The following GALR1 variants were observed in gnomAD, a reference collection of about 807,000 sequenced individuals.
The protein encoded by GALR1 is galanin receptor type 1.
A neutral mutation model predicts 17.9 loss-of-function variants in GALR1; 11 were observed. The ratio of observed to expected loss-of-function variants is 0.62; its 90% CI spans 0.39 to 1.02. The LOEUF (loss-of-function observed/expected upper bound fraction) is 1.02, where lower values mean the gene tolerates loss of function less well. Ranked by LOEUF, GALR1 falls within the 50% of genes least tolerant of loss-of-function variation. The probability of loss-of-function intolerance (pLI) is 0.01; values close to 1 mark genes in which losing one functional copy is unlikely to be tolerated. For synonymous variants in GALR1, 206 were observed against 205.7 expected (o/e 1.00, Z -0.01); for missense variants, 441 against 456.9 (o/e 0.97, Z 0.32).
intron 2 of GALR1, among the ~76,000 whole-genome samples, chr18:77,258,274 A>G (rs950959530): frequency 1.3e-5 from 2 of 152,234 alleles, no homozygotes; most frequent in African/African-American, 4.8e-5. Flanking sequence ...TCTATATAAA[A>G]TTATCTTTTG....
chr18:77,255,088 A>C (rs955208773), intron 1 of GALR1, among the ~76,000 whole-genome samples: 1 of 152,212 alleles, frequency 6.6e-6, no homozygotes, highest in Admixed American at 6.5e-5. Flanking sequence ...TCCATGCTAC[A>C]GGGAACAAAG....
At chr18:77,256,366 A>C (rs761114143) in intron 2 of GALR1, 143 bp downstream of exon 2, 4 of 565,312 alleles carry the variant, frequency 7.1e-6, no homozygotes, top group Non-Finnish European at 1.2e-5. Context: ...TGAGCCTCCC[A>C]CCGTTAGGAT....
In GALR1 at chr18:77,277,886, A is replaced by G. The variant is rs1913186213; in HGVS notation, c.*8984A>G. The G allele has an allele frequency of 6.6e-6, 1 of 152,188 alleles. No individual in the cohort carries two copies. Among genetic ancestry groups the G allele is most frequent in the South Asian group, 2.1e-4 (1 of 4,830 alleles). The allele number at this position is 152,188 out of a possible 1,614,324, so 9.4% of individuals were successfully genotyped here. A position where few individuals can be genotyped will look rare whatever the true frequency, so the allele number is the denominator to read the frequency against. On this transcript the variant is annotated 3_prime_UTR_variant, in exon 3 of 3. Transcript: ENST00000299727. ...CCAGTTTTCTTGCATTGAAAATAAA[A>G]TTTGTTCCTCAAAATGCTCTAGTTT... is the stretch of plus-strand genomic sequence containing the variant.
In GALR1 at chr18:77,276,897, C is replaced by G. The variant is rs1328492962; in HGVS notation, c.*7995C>G. On this transcript the variant is annotated 3_prime_UTR_variant, in exon 3 of 3. Transcript: ENST00000299727. ...GGAGTTTAATAACTTGTAAGACTTTCAGAGATTGTTATAATTTTTGCCTCA... is the reference window on the plus strand; with the variant it reads ...GGAGTTTAATAACTTGTAAGACTTTGAGAGATTGTTATAATTTTTGCCTCA... 1 of 152,104 alleles carries G rather than the reference C, an allele frequency of 6.6e-6. No individual in the cohort carries two copies. Among genetic ancestry groups the G allele is most frequent in the African/African-American group, 2.4e-5 (1 of 41,412 alleles). 9.4% of individuals were successfully genotyped at this position (152,104 alleles called of 1,614,324 possible). A position where few individuals can be genotyped will look rare whatever the true frequency, so the allele number is the denominator to read the frequency against.
rs1487543090 is a variant in GALR1 at position 77,274,445 on chromosome 18, G to A, written c.*5543G>A. 1.3e-5 allele frequency: 2 copies of A among 152,354 alleles called. No homozygotes were observed. The highest frequency in any genetic ancestry group is 2.1e-4 in the South Asian group (1 of 4,818). 9.4% of individuals were successfully genotyped at this position (152,354 alleles called of 1,614,324 possible). A position where few individuals can be genotyped will look rare whatever the true frequency, so the allele number is the denominator to read the frequency against. ...GCACTGTGTAAGTGTCGTTCCCCTAGGACTTCTGCAATGGGATACCAAAGA... is the reference window on the plus strand; with the variant it reads ...GCACTGTGTAAGTGTCGTTCCCCTAAGACTTCTGCAATGGGATACCAAAGA... On this transcript the variant is annotated 3_prime_UTR_variant, in exon 3 of 3. Transcript: ENST00000299727.
chr18:77,252,425 C>A (rs542756188), intron 1 of GALR1, among the ~76,000 whole-genome samples: 1 of 152,348 alleles, frequency 6.6e-6, no homozygotes, highest in South Asian at 2.1e-4. Flanking sequence ...GAACAACTAT[C>A]ACTTTTAATA....
intron 2 of GALR1, among the ~76,000 whole-genome samples, chr18:77,267,854 T>C (rs955237366): frequency 1.3e-5 from 2 of 152,210 alleles, no homozygotes; most frequent in Non-Finnish European, 2.9e-5. Context: ...TACAGGCACA[T>C]GCTTGTTGAG....
intron 2 of GALR1, among the ~76,000 whole-genome samples, chr18:77,258,030 T>C (rs1337731441): frequency 6.6e-6 from 1 of 152,218 alleles, no homozygotes; most frequent in Non-Finnish European, 1.5e-5. Context: ...TTTGAAAAAG[T>C]ATTGGAGAGA....
rs1173376603 is a variant in GALR1 at position 77,251,003 on chromosome 18, C to T, written c.455C>T (p.Ala152Val). 1 of 1,604,794 alleles carries T rather than the reference C, an allele frequency of 6.2e-7. No individual in the cohort carries two copies. ...TCCTCCCTCAGGGTGTCCCGCAACGCGCTGCTGGGCGTGGGCTGCATCTGG... is the reference window on the plus strand; with the variant it reads ...TCCTCCCTCAGGGTGTCCCGCAACGTGCTGCTGGGCGTGGGCTGCATCTGG... ...RSSSLRVSRN[A>V]LLGVGCIWAL... The change falls in exon 1 of 3, where the codon GCG becomes GTG. Residue 152 changes from alanine to valine, a missense_variant. Ala to Val is a moderately conservative substitution (Grantham distance 64). Coordinates refer to ENST00000299727, the MANE Select transcript of GALR1 (RefSeq NM_001480.4).
chr18:77,277,589 G>A lies in GALR1; in HGVS notation c.*8687G>A, dbSNP rs999651016. Reference sequence around the variant, plus strand: ...ATGTCTTTATCAGCAATGTGAAAACGGACTAATACAACGTGATTGTTTAAA... The same window carrying A: ...ATGTCTTTATCAGCAATGTGAAAACAGACTAATACAACGTGATTGTTTAAA... On this transcript the variant is annotated 3_prime_UTR_variant, in exon 3 of 3. Transcript: ENST00000299727. 8 of 152,288 alleles carry A rather than the reference G, an allele frequency of 5.3e-5. No homozygotes were observed. Among genetic ancestry groups the A allele is most frequent in the African/African-American group, 1.4e-4 (6 of 41,554 alleles). The allele number at this position is 152,288 out of a possible 1,614,324, so 9.4% of individuals were successfully genotyped here.
At position 77,274,814 on chromosome 18, in the gene GALR1, T is replaced by C. The variant is rs1034572947; in HGVS notation, c.*5912T>C. ...TTTATTTGTGTTGACTTTCTGATTA[T>C]GCCTTCATTCACTCTTTTTATTACT... On this transcript the variant is annotated 3_prime_UTR_variant, in exon 3 of 3. Coordinates refer to ENST00000299727, the MANE Select transcript of GALR1 (RefSeq NM_001480.4). 6 of 152,258 alleles carry C rather than the reference T, an allele frequency of 3.9e-5. No homozygotes were observed. Among genetic ancestry groups the C allele is most frequent in the African/African-American group, 1.4e-4 (6 of 41,472 alleles). 9.4% of individuals were successfully genotyped at this position (152,258 alleles called of 1,614,324 possible).
intron 1 of GALR1, 68 bp downstream of exon 1, chr18:77,251,282 C>T (rs544618021): frequency 2.9e-5 from 44 of 1,529,100 alleles, no homozygotes; most frequent in Non-Finnish European, 3.5e-5. Flanking sequence ...CCTGGGGTCT[C>T]AGTGTCCCGC....
intron 2 of GALR1, among the ~76,000 whole-genome samples, chr18:77,264,977 TC>T (rs1436192141): frequency 1.3e-5 from 2 of 152,168 alleles, no homozygotes; most frequent in African/African-American, 4.8e-5. Context: ...GTCTTACTGC[TC>T]CTGGCCCCTC....
intron 2 of GALR1, among the ~76,000 whole-genome samples, chr18:77,261,967 G>A (rs1912839310): frequency 6.6e-6 from 1 of 152,074 alleles, no homozygotes; most frequent in African/African-American, 2.4e-5. Flanking sequence ...GGGACTACAC[G>A]TGCACACTGC....
At position 77,251,203 on chromosome 18, in the gene GALR1, T is replaced by G. The variant is rs765263707; in HGVS notation, c.655T>G (p.Cys219Gly). 1 of 1,606,366 alleles carries G rather than the reference T, an allele frequency of 6.2e-7. No homozygotes were observed. The highest frequency in any genetic ancestry group is 1.1e-5 in the South Asian group (1 of 90,902). ...YLLPLLLICF[C>G]YAKVLNHLHK... Reference sequence around the variant, plus strand: ...GCTGCCGCTCCTGCTCATCTGCTTCTGCTATGCCAAGGTGCACGCCGGTCG... The same window carrying G: ...GCTGCCGCTCCTGCTCATCTGCTTCGGCTATGCCAAGGTGCACGCCGGTCG... Residue 219 changes from cysteine (C) to glycine (G), a missense_variant, in exon 1 of 3, where the codon TGC (cysteine) becomes GGC (glycine). Coordinates refer to ENST00000299727, the MANE Select transcript of GALR1 (RefSeq NM_001480.4).
At position 77,269,018 on chromosome 18, in the gene GALR1, C is replaced by A. The variant is rs958214776; in HGVS notation, c.*116C>A. The A allele has an allele frequency of 1.7e-5, 14 of 801,464 alleles. No homozygotes were observed. Among genetic ancestry groups the A allele is most frequent in the Admixed American group, 1.3e-4 (5 of 37,828 alleles). 49.6% of individuals were successfully genotyped at this position (801,464 alleles called of 1,614,324 possible). On this transcript the variant is annotated 3_prime_UTR_variant, in exon 3 of 3. Transcript: ENST00000299727. ...TTGTTATCTTAACAAGAATTCAAGT[C>A]GTTTTAATTAAATCCCACGTGTGTT...
intron 1 of GALR1, among the ~76,000 whole-genome samples, chr18:77,252,932 C>CCAT (rs1912479287): frequency 1.5e-4 from 6 of 40,948 alleles, no homozygotes; most frequent in Non-Finnish European, 3.1e-4. Flanking sequence ...ATCACCACCA[C>CCAT]CACCACCACC....
chr18:77,269,070 A>C lies in GALR1; in HGVS notation c.*168A>C. 1 of 603,018 alleles carries C rather than the reference A, an allele frequency of 1.7e-6. No homozygotes were observed. The highest frequency in any genetic ancestry group is 2.9e-6 in the Non-Finnish European group (1 of 343,830). 37.4% of individuals were successfully genotyped at this position (603,018 alleles called of 1,614,324 possible). A position where few individuals can be genotyped will look rare whatever the true frequency, so the allele number is the denominator to read the frequency against. On this transcript the variant is annotated 3_prime_UTR_variant, in exon 3 of 3. Transcript: ENST00000299727. ...AAAAGTACTTTGATCCATTTAGGAA[A>C]TTCCTAGGTCTAGTGAGAATTATTT...
rs1913149398 is a variant in GALR1 at position 77,275,968 on chromosome 18, CTAGATTTGAG to C, written c.*7067_*7076del. The C allele has an allele frequency of 2.6e-5, 4 of 152,030 alleles. No homozygotes were observed. Among genetic ancestry groups the C allele is most frequent in the Non-Finnish European group, 2.9e-5 (2 of 67,998 alleles). 9.4% of individuals were successfully genotyped at this position (152,030 alleles called of 1,614,324 possible). A position where few individuals can be genotyped will look rare whatever the true frequency, so the allele number is the denominator to read the frequency against. ...AGACACTGAGTGAATACACAGATTCCTAGATTTGAGATATTTTCAAAATAGGGCTAGCATG... is the reference window on the plus strand; with the variant it reads ...AGACACTGAGTGAATACACAGATTCCATATTTTCAAAATAGGGCTAGCATG... On this transcript the variant is annotated 3_prime_UTR_variant, in exon 3 of 3. Transcript: ENST00000299727.
Sources: allele counts gnomAD v4.1 joint callset (sites outside exome capture counted in the v4.1 genomes callset), GRCh38; gene constraint gnomAD v4.1.1; transcripts MANE v1.5; gene names NCBI Gene and HGNC (gene_info 2026-07-23, HGNC 2026-07-21).